The following GPATCH2 variants were observed in gnomAD, a reference collection of about 807,000 sequenced individuals.
GPATCH2 encodes G-patch domain containing 2.
In GPATCH2, 51 loss-of-function variants were observed where a neutral mutation model predicts 58.0. The ratio of observed to expected loss-of-function variants is 0.88; its 90% CI spans 0.70 to 1.11. GPATCH2 has a LOEUF of 1.11. Ranked by LOEUF, GPATCH2 falls within the 50% of genes most tolerant of loss-of-function variation. GPATCH2 has a pLI of 0.00. For missense variants in GPATCH2, 625 were observed against 652.2 expected (o/e 0.96, Z 0.45); for synonymous variants, 222 against 218.5 (o/e 1.02, Z -0.14).
intron 8 of GPATCH2, among the ~76,000 whole-genome samples, chr1:217,489,008 T>G (rs1174269255): frequency 6.6e-6 from 1 of 152,014 alleles, no homozygotes; most frequent in African/African-American, 2.4e-5. Flanking sequence ...TGATTACTGA[T>G]CTGTGTGTGT....
chr1:217,581,560 C>T (rs74142481), intron 5 of GPATCH2, among the ~76,000 whole-genome samples: 4,301 of 152,230 alleles, frequency 0.028, 154 homozygotes, highest in East Asian at 0.16. Flanking sequence ...CTGGGATGTA[C>T]GTAAGAGAGT....
intron 9 of GPATCH2, among the ~76,000 whole-genome samples, chr1:217,432,643 A>G (rs1658596796): frequency 6.6e-6 from 1 of 152,192 alleles, no homozygotes; most frequent in South Asian, 2.1e-4. Context: ...TCTGGAGCTA[A>G]CCAATACAAG....
At chr1:217,523,380 C>A (rs534213617) in intron 5 of GPATCH2, among the ~76,000 whole-genome samples, 2 of 151,532 alleles carry the variant, frequency 1.3e-5, no homozygotes, top group South Asian at 4.2e-4. Flanking sequence ...TGACTCTTAA[C>A]GAGCATGCTG....
intron 5 of GPATCH2, among the ~76,000 whole-genome samples, chr1:217,545,336 A>G (rs1040372216): frequency 3.9e-5 from 6 of 152,228 alleles, no homozygotes; most frequent in African/African-American, 1.4e-4. Flanking sequence ...TACCAAGACC[A>G]TATCTCAGAC....
rs372758118 is a variant in GPATCH2, at chr1:217,447,388, C to G, written c.1366+1861G>C. Among the ~76,000 whole-genome samples the G allele has an allele frequency of 6.4e-4, 97 of 152,238 alleles. 3 individuals are homozygous for G. In the South Asian group the frequency reaches 0.02, roughly 31 times the overall value. On this transcript the variant is annotated intron_variant, in intron 9 of 9. Coordinates refer to ENST00000366935, the MANE Select transcript of GPATCH2 (RefSeq NM_018040.5). ...TGTAAGTACATTGCTATGGAAAGAG[C>G]ATGGATTTAGGTGTTATGCAGACCT...
intron 5 of GPATCH2, chr1:217,610,027 C>T: frequency 1.1e-5 from 16 of 1,427,388 alleles, no homozygotes; most frequent in Non-Finnish European, 1.5e-5. Flanking sequence ...CAAAAACAGC[C>T]CCATCTTTTC....
At chr1:217,526,064 T>C (rs1040201644) in intron 5 of GPATCH2, among the ~76,000 whole-genome samples, 2 of 152,222 alleles carry the variant, frequency 1.3e-5, no homozygotes, top group African/African-American at 2.4e-5. Context: ...TTTCATAAAC[T>C]AGTCAATTTC....
intron 8 of GPATCH2, among the ~76,000 whole-genome samples, chr1:217,454,909 C>T (rs1203736556): frequency 6.6e-6 from 1 of 152,126 alleles, no homozygotes; most frequent in African/African-American, 2.4e-5. Flanking sequence ...GCTGGGATTA[C>T]AGGCCACTGC....
At chr1:217,547,126 G>A (rs1360374713) in intron 5 of GPATCH2, among the ~76,000 whole-genome samples, 1 of 152,112 alleles carries the variant, frequency 6.6e-6, no homozygotes, top group African/African-American at 2.4e-5. Flanking sequence ...CACTTAGGGA[G>A]GCCGAGGCAG....
chr1:217,527,301 C>T (rs553311959), intron 5 of GPATCH2, among the ~76,000 whole-genome samples: 82 of 152,144 alleles, frequency 5.4e-4, no homozygotes, highest in African/African-American at 1.8e-3. Flanking sequence ...TTTATAAAGT[C>T]GGTCAGGTAG....
Position 217,491,765 on chromosome 1 carries a change from A to AC in GPATCH2, c.1207-16_1207-15insG. ...AGAAGCTGATGCTACACAAAGTGTT[A>AC]AGACAAAGTCATAGAAACAAAAATA... On this transcript the variant is annotated splice_polypyrimidine_tract_variant and intron_variant, in intron 7 of 9. Coordinates refer to ENST00000366935, the MANE Select transcript of GPATCH2 (RefSeq NM_018040.5). 1 of 1,117,132 alleles carries AC rather than the reference A, an allele frequency of 9.0e-7. No individual in the cohort carries two copies. Among genetic ancestry groups the AC allele is most frequent in the Non-Finnish European group, 1.3e-6 (1 of 768,114 alleles). The allele number at this position is 1,117,132 out of a possible 1,614,324, so 69.2% of individuals were successfully genotyped here.
intron 9 of GPATCH2, among the ~76,000 whole-genome samples, chr1:217,446,012 A>G (rs542142256): frequency 6.6e-6 from 1 of 152,072 alleles, no homozygotes; most frequent in African/African-American, 2.4e-5. Context: ...TTGGATTTAA[A>G]GTGCCTAATT....
chr1:217,459,791 C>T (rs1660119679), intron 8 of GPATCH2, among the ~76,000 whole-genome samples: 1 of 152,068 alleles, frequency 6.6e-6, no homozygotes, highest in Non-Finnish European at 1.5e-5. Context: ...TGCATTTACT[C>T]ATTTTTGGAT....
intron 5 of GPATCH2, among the ~76,000 whole-genome samples, chr1:217,556,446 T>C (rs1277842238): frequency 6.6e-6 from 1 of 152,258 alleles, no homozygotes; most frequent in Non-Finnish European, 1.5e-5. Flanking sequence ...TTTAAACTTT[T>C]TATAAATAGA....
At chr1:217,506,932 T>C (rs1648256352) in intron 6 of GPATCH2, among the ~76,000 whole-genome samples, 1 of 152,200 alleles carries the variant, frequency 6.6e-6, no homozygotes, top group South Asian at 2.1e-4. Context: ...TTTTTACAAG[T>C]TCTTCTTTAG....
intron 5 of GPATCH2, among the ~76,000 whole-genome samples, chr1:217,576,557 A>C (rs1024634561): frequency 6.6e-6 from 1 of 152,214 alleles, no homozygotes; most frequent in Non-Finnish European, 1.5e-5. Flanking sequence ...ATGCAGAACT[A>C]TCACCCTTTG....
chr1:217,498,206 G>C, intron 7 of GPATCH2, 150 bp downstream of exon 7: 1 of 766,788 alleles, frequency 1.3e-6, no homozygotes, highest in South Asian at 1.4e-5. Flanking sequence ...TATTTGGTCA[G>C]TGTATTTAAT....
intron 8 of GPATCH2, among the ~76,000 whole-genome samples, chr1:217,455,246 C>T (rs1303699658): frequency 1.3e-5 from 2 of 152,142 alleles, no homozygotes; most frequent in Non-Finnish European, 2.9e-5. Flanking sequence ...TTTCAGAACT[C>T]GGTAATTGCC....
intron 5 of GPATCH2, among the ~76,000 whole-genome samples, chr1:217,569,007 A>C (rs1227174589): frequency 6.6e-6 from 1 of 152,180 alleles, no homozygotes; most frequent in Non-Finnish European, 1.5e-5. Context: ...GGATTTACTA[A>C]TGAATTAAAA....
Sources: allele counts gnomAD v4.1 joint callset (sites outside exome capture counted in the v4.1 genomes callset), GRCh38; gene constraint gnomAD v4.1.1; transcripts MANE v1.5; gene names NCBI Gene and HGNC (gene_info 2026-07-23, HGNC 2026-07-21).